Variants in DHX40 observed in about 807,000 individuals in gnomAD.
DHX40 encodes the protein DEAH-box helicase 40, also known as probable ATP-dependent RNA helicase DHX40.
DHX40 carries 28 observed loss-of-function variants against 89.6 expected under a neutral mutation model. That is an observed-to-expected ratio of 0.31 (90% CI 0.23 to 0.43). The LOEUF is 0.43. Ranked by LOEUF, DHX40 falls within the 20% of genes least tolerant of loss-of-function variation. The probability of loss-of-function intolerance (pLI) is 1.00; values close to 1 mark genes in which losing one functional copy is unlikely to be tolerated. For synonymous variants in DHX40, 226 were observed against 283.6 expected (o/e 0.80, Z 2.04); for missense variants, 457 against 844.0 (o/e 0.54, Z 5.68).
At chr17:59,585,610 C>G (rs2048983149) in intron 10 of DHX40, among the ~76,000 whole-genome samples, 1 of 149,430 alleles carries the variant, frequency 6.7e-6, no homozygotes, top group Admixed American at 6.6e-5. Context: ...GTAGTCCCAG[C>G]TACTCGGGAG....
rs550913338 is a variant in DHX40 at position 59,568,100 on chromosome 17, C to T, written c.280+1306C>T. On this transcript the variant is annotated intron_variant, in intron 2 of 17. Coordinates refer to ENST00000251241, the MANE Select transcript of DHX40 (RefSeq NM_024612.5). Reference sequence around the variant, plus strand: ...TACAAAAATTAGGCGTGGTGGCGGGCGCCTATAATCCCAGCTACTTGGGAG... The same window carrying T: ...TACAAAAATTAGGCGTGGTGGCGGGTGCCTATAATCCCAGCTACTTGGGAG... Among the ~76,000 whole-genome samples the T allele has an allele frequency of 4.6e-5, 7 of 152,072 alleles. No individual in the cohort carries two copies. The East Asian group carries it at 7.7e-4, about 17-fold the overall frequency.
At chr17:59,586,856 T>G (rs2049004900) in intron 11 of DHX40, among the ~76,000 whole-genome samples, 2 of 152,060 alleles carry the variant, frequency 1.3e-5, no homozygotes, top group African/African-American at 2.4e-5. Flanking sequence ...TTGATATTAA[T>G]AATTATTATT....
rs571902962 is a variant in DHX40, at chr17:59,591,359, TAC to T, written c.1582+3308_1582+3309del. ...CAAGCTAAAATATTTCAAAACCTAT[TAC>T]AGAGTATTGAAGTAGGAGTTAAGAG... On this transcript the variant is annotated intron_variant, in intron 12 of 17. Coordinates refer to ENST00000251241, the MANE Select transcript of DHX40 (RefSeq NM_024612.5). Among the ~76,000 whole-genome samples, 1,297 of 151,044 alleles carry T rather than the reference TAC, an allele frequency of 8.6e-3. 26 individuals carry two copies. Among genetic ancestry groups the T allele is most frequent in the Non-Finnish European group, 0.013 (911 of 67,542 alleles).
chr17:59,607,090 T>A lies in DHX40; in HGVS notation c.2258T>A (p.Ile753Lys), dbSNP rs1181838221. 1 of 1,614,174 alleles carries A rather than the reference T, an allele frequency of 6.2e-7. No homozygotes were observed. Among genetic ancestry groups the A allele is most frequent in the East Asian group, 2.2e-5 (1 of 44,884 alleles). ...CAAAGAAGAAATGATGACAAATCCA[T>A]ATCTGATGCACGGGCTCGTTTCCTT... ...KMQRRNDDKS[I>K]SDARARFLER... The change falls in exon 18 of 18, where the codon ATA becomes AAA. Residue 753 changes from isoleucine (I) to lysine (K), a missense_variant. Physicochemically the swap from Ile to Lys is moderately radical, Grantham distance 102. This residue lies in a region of DHX40 where 120 missense variants were observed against 161.7 expected (regional missense o/e 0.74). Transcript: ENST00000251241.
At chr17:59,570,126 TTA>T (rs1164030133) in intron 2 of DHX40, among the ~76,000 whole-genome samples, 2 of 129,368 alleles carry the variant, frequency 1.5e-5, no homozygotes, top group East Asian at 2.0e-4. Flanking sequence ...TAATGTATAT[TTA>T]TATATAATAT....
intron 14 of DHX40, 54 bp from the exon 15 acceptor site, chr17:59,602,468 A>G: frequency 7.0e-7 from 1 of 1,427,974 alleles, no homozygotes; most frequent in African/African-American, 1.4e-5. Context: ...AAAATAAAAG[A>G]TTATTTCAAA....
At chr17:59,600,885 T>C (rs2030468846) in intron 14 of DHX40, among the ~76,000 whole-genome samples, 1 of 150,174 alleles carries the variant, frequency 6.7e-6, no homozygotes, top group South Asian at 2.1e-4. Flanking sequence ...ACTGTTTTTA[T>C]GCGTACAGGT....
intron 10 of DHX40, among the ~76,000 whole-genome samples, chr17:59,581,609 A>G (rs1179351523): frequency 1.7e-5 from 1 of 59,444 alleles, no homozygotes; most frequent in Admixed American, 1.9e-4. Flanking sequence ...AAAAATACAA[A>G]ATTAGCCAGG....
At chr17:59,586,934 G>T (rs1359593332) in intron 11 of DHX40, among the ~76,000 whole-genome samples, 1 of 152,018 alleles carries the variant, frequency 6.6e-6, no homozygotes. Context: ...CGAGCAGATT[G>T]CTTGAGCCCA....
At chr17:59,600,474 T>TG (rs2030429983) in intron 14 of DHX40, among the ~76,000 whole-genome samples, 1 of 152,076 alleles carries the variant, frequency 6.6e-6, no homozygotes, top group African/African-American at 2.4e-5. Flanking sequence ...CTCTTTTTTT[T>TG]TTGGTCTGGC....
intron 2 of DHX40, among the ~76,000 whole-genome samples, chr17:59,567,363 T>G (rs1413725498): frequency 6.6e-6 from 1 of 152,212 alleles, no homozygotes; most frequent in Non-Finnish European, 1.5e-5. Flanking sequence ...AAACTAAATT[T>G]TTCATCTACT....
At chr17:59,595,605 G>T (rs1308367469) in intron 12 of DHX40, among the ~76,000 whole-genome samples, 1 of 118,218 alleles carries the variant, frequency 8.5e-6, no homozygotes, top group Non-Finnish European at 1.7e-5. Flanking sequence ...AACCCAGTTG[G>T]ATTAACATCC....
intron 11 of DHX40, among the ~76,000 whole-genome samples, chr17:59,587,073 A>T (rs2049008621): frequency 6.6e-6 from 1 of 151,066 alleles, no homozygotes. Flanking sequence ...GGATCGTCTG[A>T]GCTTCGGAGG....
At chr17:59,592,384 G>A (rs1005080850) in intron 12 of DHX40, among the ~76,000 whole-genome samples, 6 of 147,858 alleles carry the variant, frequency 4.1e-5, no homozygotes, top group Non-Finnish European at 9.0e-5. Flanking sequence ...AATTTTAGGT[G>A]TATAATTCAA....
At chr17:59,602,674 A>G in intron 15 of DHX40, 58 bp downstream of exon 15, 1 of 1,359,760 alleles carries the variant, frequency 7.4e-7, no homozygotes, top group African/African-American at 1.4e-5. Flanking sequence ...TGACTATAAT[A>G]TTGGACTATT....
intron 12 of DHX40, among the ~76,000 whole-genome samples, chr17:59,595,177 A>G (rs2029949925): frequency 6.6e-6 from 1 of 151,646 alleles, no homozygotes; most frequent in African/African-American, 2.4e-5. Context: ...TCTACCTCCC[A>G]GGTTCAAGCA....
chr17:59,605,717 T>A, intron 17 of DHX40, 43 bp downstream of exon 17: 1 of 1,534,376 alleles, frequency 6.5e-7, no homozygotes, highest in Non-Finnish European at 8.9e-7. Context: ...TATGCCATAC[T>A]GCTTCCCAGT....
chr17:59,589,279 TG>T (rs1448980224), intron 12 of DHX40, among the ~76,000 whole-genome samples: 1 of 138,368 alleles, frequency 7.2e-6, no homozygotes, highest in Non-Finnish European at 1.5e-5. Flanking sequence ...TGGAGTGCAG[TG>T]GCCTGATCTC....
chr17:59,565,826 C>T, intron 1 of DHX40, 43 bp downstream of exon 1: 1 of 1,506,844 alleles, frequency 6.6e-7, no homozygotes, highest in African/African-American at 1.4e-5. Flanking sequence ...GGAGTTACGG[C>T]GTGGGGGTTT....
Sources: gnomAD v4.1 joint callset for allele counts (sites outside exome capture counted in the v4.1 genomes callset) on GRCh38, gnomAD v4.1.1 for gene constraint, gnomAD v4.1.1 regional missense constraint, MANE v1.5 for transcripts, NCBI Gene and HGNC (gene_info 2026-07-23, HGNC 2026-07-21) for gene names.